The following LARGE1 variants were observed in gnomAD, a reference collection of about 807,000 sequenced individuals.
The protein encoded by LARGE1 is xylosyl- and glucuronyltransferase LARGE1.
LARGE1 carries 43 observed loss-of-function variants against 87.6 expected under a neutral mutation model. The observed-to-expected ratio is 0.49, with a 90% CI of 0.38 to 0.63. The LOEUF (loss-of-function observed/expected upper bound fraction) is 0.63, where lower values mean the gene tolerates loss of function less well. Ranked by LOEUF, LARGE1 falls within the 30% of genes least tolerant of loss-of-function variation. The pLI is 0.00. For synonymous variants in LARGE1, 434 were observed against 394.6 expected, an observed-to-expected ratio of 1.10 and a Z score of -1.18; for missense variants, 802 against 1,000.2, an observed-to-expected ratio of 0.80 and a Z score of 2.67.
At chr22:33,863,573 T>C (rs961664062) in intron 1 of LARGE1, among the ~76,000 whole-genome samples, 4 of 147,352 alleles carry the variant, frequency 2.7e-5, no homozygotes, top group African/African-American at 1.0e-4. Context: ...CTGACCAACA[T>C]GGTGAAACCC....
intron 1 of LARGE1, among the ~76,000 whole-genome samples, chr22:33,804,477 G>A (rs1173033019): frequency 1.3e-5 from 2 of 152,194 alleles, no homozygotes; most frequent in Non-Finnish European, 2.9e-5. Flanking sequence ...CAGGTTGACT[G>A]CTTGAGACGC....
At chr22:33,703,388 TAG>T in intron 2 of LARGE1, among the ~76,000 whole-genome samples, 1 of 148,952 alleles carries the variant, frequency 6.7e-6, no homozygotes, top group South Asian at 2.1e-4. Context: ...AAAAAAAGAC[TAG>T]AGAGACACAT....
chr22:33,111,440 A>G, the LARGE1 span, among the ~76,000 whole-genome samples: 1 of 152,276 alleles, frequency 6.6e-6, no homozygotes, highest in Non-Finnish European at 1.5e-5. Context: ...TAGGCAAGGA[A>G]AAGACCCTAA....
chr22:33,892,876 C>T (rs1457344215), intron 1 of LARGE1, among the ~76,000 whole-genome samples: 2 of 152,220 alleles, frequency 1.3e-5, no homozygotes, highest in African/African-American at 2.4e-5. Flanking sequence ...CATTCACACA[C>T]AAGAGCCCGT....
At chr22:33,722,667 T>C (rs1269564166) in intron 2 of LARGE1, among the ~76,000 whole-genome samples, 1 of 151,886 alleles carries the variant, frequency 6.6e-6, no homozygotes, top group African/African-American at 2.4e-5. Flanking sequence ...AGTCACCCAA[T>C]GGAGGGAAGT....
chr22:33,516,545 A>G lies in LARGE1; in HGVS notation c.787+48303T>C, dbSNP rs192160847. Among the ~76,000 whole-genome samples, 65 of 152,280 alleles carry G rather than the reference A, an allele frequency of 4.3e-4. 1 individual carries two copies. In the East Asian group the frequency reaches 9.1e-3, roughly 21 times the overall value. ...TGCATCCCATCAGACCACTGAGGAC[A>G]GACCAAGATGATGGGGTGGAAGCCT... On this transcript the variant is annotated intron_variant, in intron 6 of 14. Coordinates refer to ENST00000397394, the MANE Select transcript of LARGE1 (RefSeq NM_133642.5).
chr22:33,869,105 T>C (rs924647625), intron 1 of LARGE1, among the ~76,000 whole-genome samples: 6 of 152,148 alleles, frequency 3.9e-5, no homozygotes, highest in Non-Finnish European at 8.8e-5. Context: ...GGAGACCCTT[T>C]CATTTGAAAT....
intron 7 of LARGE1, among the ~76,000 whole-genome samples, chr22:33,397,931 C>T (rs2065805514): frequency 1.3e-5 from 2 of 151,928 alleles, no homozygotes; most frequent in Middle Eastern, 3.2e-3. Flanking sequence ...ATGTTAATTG[C>T]CCATTTTGTC....
At position 33,864,823 on chromosome 22, in the gene LARGE1, A is replaced by C. The variant is rs558978161; in HGVS notation, c.-83+55172T>G. 4.6e-5 allele frequency among the ~76,000 whole-genome samples: 7 copies of C among 152,308 alleles called. No individual in the cohort carries two copies. In the South Asian group the frequency reaches 1.5e-3, roughly 32 times the overall value. On this transcript the variant is annotated intron_variant, in intron 1 of 14. Coordinates refer to ENST00000397394, the MANE Select transcript of LARGE1 (RefSeq NM_133642.5). Reference sequence around the variant, plus strand: ...TCAGAATCTACAGCACTTTTAGCCCACAGTCCCTGGGTTTCACAATCACTG... The same window carrying C: ...TCAGAATCTACAGCACTTTTAGCCCCCAGTCCCTGGGTTTCACAATCACTG...
At chr22:33,816,685 TAGATAGACAGAC>T (rs1304768971) in intron 1 of LARGE1, among the ~76,000 whole-genome samples, 7 of 133,282 alleles carry the variant, frequency 5.3e-5, no homozygotes, top group African/African-American at 1.9e-4. Flanking sequence ...GATAGATAGA[TAGATAGACAGAC>T]AGACAGACAG....
At chr22:33,521,955 G>T (rs566484055) in intron 6 of LARGE1, among the ~76,000 whole-genome samples, 1 of 152,272 alleles carries the variant, frequency 6.6e-6, no homozygotes, top group South Asian at 2.1e-4. Context: ...AGGGAGAACA[G>T]GCAAGTCACA....
At chr22:33,834,376 A>G (rs2063055142) in intron 1 of LARGE1, among the ~76,000 whole-genome samples, 1 of 152,212 alleles carries the variant, frequency 6.6e-6, no homozygotes, top group African/African-American at 2.4e-5. Context: ...AAGAATCACA[A>G]AAGAAGTGAA....
the LARGE1 span, among the ~76,000 whole-genome samples, chr22:33,075,913 A>G: frequency 1.3e-5 from 2 of 152,186 alleles, no homozygotes; most frequent in Non-Finnish European, 2.9e-5. Context: ...TGCAGATTAG[A>G]CATATCCTTA....
At chr22:33,358,721 G>A (rs1473297201) in intron 9 of LARGE1, among the ~76,000 whole-genome samples, 6 of 151,858 alleles carry the variant, frequency 4.0e-5, no homozygotes, top group East Asian at 3.9e-4. Flanking sequence ...TGTCCTGGCC[G>A]GGTGCAGTGG....
intron 1 of LARGE1, among the ~76,000 whole-genome samples, chr22:33,889,848 C>A (rs138550059): frequency 6.6e-6 from 1 of 152,182 alleles, no homozygotes; most frequent in Non-Finnish European, 1.5e-5. Context: ...ATGTGAAGCT[C>A]GGTGCCAGAA....
the LARGE1 span, among the ~76,000 whole-genome samples, chr22:33,122,127 C>T: frequency 6.6e-6 from 1 of 152,130 alleles, no homozygotes; most frequent in Non-Finnish European, 1.5e-5. Context: ...AATCTTTCCC[C>T]TGAGTTATTT....
intron 6 of LARGE1, among the ~76,000 whole-genome samples, chr22:33,502,352 C>G (rs189162878): frequency 3.3e-5 from 5 of 151,860 alleles, no homozygotes; most frequent in Admixed American, 6.6e-5. Context: ...AGTTCCAGTA[C>G]GAAGGAAGAG....
the LARGE1 span, among the ~76,000 whole-genome samples, chr22:33,089,296 T>TTCC: frequency 5.8e-4 from 88 of 150,552 alleles, no homozygotes; most frequent in African/African-American, 1.9e-3. Flanking sequence ...CTTCTTCTTC[T>TTCC]TCTTCCTCTT....
At chr22:33,807,737 T>C (rs2086357966) in intron 1 of LARGE1, among the ~76,000 whole-genome samples, 1 of 152,248 alleles carries the variant, frequency 6.6e-6, no homozygotes, top group Non-Finnish European at 1.5e-5. Context: ...TTCTAGAATG[T>C]CACAGTTGGA....
Sources: gnomAD v4.1 joint callset for allele counts (sites outside exome capture counted in the v4.1 genomes callset) on GRCh38, gnomAD v4.1.1 for gene constraint, MANE v1.5 for transcripts, NCBI Gene and HGNC (gene_info 2026-07-23, HGNC 2026-07-21) for gene names.